Variants in CCNB2 observed in about 807,000 individuals in gnomAD.
The protein encoded by CCNB2 is cyclin B2, also known as G2/mitotic-specific cyclin-B2.
A neutral mutation model predicts 51.1 loss-of-function variants in CCNB2; 39 were observed. The ratio of observed to expected loss-of-function variants is 0.76; its 90% CI spans 0.59 to 1.00. The LOEUF is 1.00. CCNB2 is among the 50% of genes least tolerant of loss of function. CCNB2 has a pLI of 0.00. For missense variants in CCNB2, 472 were observed against 470.3 expected, an observed-to-expected ratio of 1.00 and a Z score of -0.03; for synonymous variants, 174 against 165.5, an observed-to-expected ratio of 1.05 and a Z score of -0.40.
At chr15:59,120,205 A>G (rs536140306) in intron 7 of CCNB2, among the ~76,000 whole-genome samples, 94 of 152,190 alleles carry the variant, frequency 6.2e-4, no homozygotes, top group Non-Finnish European at 1.2e-3. Flanking sequence ...ACCATTATCT[A>G]CTGGCAACTA....
chr15:59,109,356 C>T (rs1357232832), intron 3 of CCNB2, among the ~76,000 whole-genome samples: 2 of 152,102 alleles, frequency 1.3e-5, no homozygotes, highest in Non-Finnish European at 2.9e-5. Context: ...ATTCTCCATA[C>T]CCAGTAGCTT....
At chr15:59,119,968 A>G (rs1181998421) in intron 7 of CCNB2, among the ~76,000 whole-genome samples, 1 of 152,132 alleles carries the variant, frequency 6.6e-6, no homozygotes, top group African/African-American at 2.4e-5. Context: ...TTGGCCTCCC[A>G]AAGTGCTGGG....
chr15:59,116,480 AAT>A (rs2079279169), intron 5 of CCNB2, among the ~76,000 whole-genome samples: 1 of 128,648 alleles, frequency 7.8e-6, no homozygotes, highest in Non-Finnish European at 1.7e-5. Flanking sequence ...TGGGTGAGAT[AAT>A]ATGTTAGAAT....
At chr15:59,117,494 G>C in intron 7 of CCNB2, 126 bp downstream of exon 7, 1 of 981,082 alleles carries the variant, frequency 1.0e-6, no homozygotes, top group Non-Finnish European at 1.5e-6. Flanking sequence ...TTTGAGACAG[G>C]GTCTCATTCT....
chr15:59,117,698 G>A (rs760033689), intron 7 of CCNB2, among the ~76,000 whole-genome samples: 1 of 152,082 alleles, frequency 6.6e-6, no homozygotes, highest in Non-Finnish European at 1.5e-5. Context: ...CCTTGAACTC[G>A]GCTCAAGCAG....
At chr15:59,117,098 T>C in intron 6 of CCNB2, 130 bp from the exon 7 acceptor site, 1 of 1,035,490 alleles carries the variant, frequency 9.7e-7, no homozygotes, top group Non-Finnish European at 1.4e-6. Flanking sequence ...TACAACATAG[T>C]GTGGAATAGA....
intron 5 of CCNB2, among the ~76,000 whole-genome samples, 184 bp from the exon 6 acceptor site, chr15:59,116,506 C>G (rs1240373576): frequency 1.1e-5 from 1 of 94,004 alleles, no homozygotes; most frequent in Non-Finnish European, 2.3e-5. Context: ...AGCACTGTGC[C>G]TAGCACACAG....
intron 1 of CCNB2, 44 bp downstream of exon 1, chr15:59,105,336 C>G: frequency 6.5e-7 from 1 of 1,536,418 alleles, no homozygotes; most frequent in Middle Eastern, 1.7e-4. Flanking sequence ...GTCCGTCGGC[C>G]CCACAGCTCC....
At chr15:59,117,051 A>C (rs2079282211) in intron 6 of CCNB2, 125 bp downstream of exon 6, 6 of 976,420 alleles carry the variant, frequency 6.1e-6, no homozygotes, top group Non-Finnish European at 9.3e-6. Flanking sequence ...TGCTTTCCTC[A>C]TCAGTTCTTA....
chr15:59,113,433 G>A (rs1216750010), intron 3 of CCNB2, among the ~76,000 whole-genome samples: 3 of 152,128 alleles, frequency 2.0e-5, no homozygotes, highest in African/African-American at 7.2e-5. Flanking sequence ...GCCTTAGTGG[G>A]CAAAACCAAT....
At chr15:59,112,349 G>C (rs540743272) in intron 3 of CCNB2, among the ~76,000 whole-genome samples, 2 of 136,900 alleles carry the variant, frequency 1.5e-5, no homozygotes, top group African/African-American at 2.6e-5. Context: ...AATTAAAATT[G>C]TCTTTTTTTT....
chr15:59,107,516 G>A (rs767663609), intron 2 of CCNB2, 41 bp from the exon 3 acceptor site: 1 of 1,613,054 alleles, frequency 6.2e-7, no homozygotes, highest in Admixed American at 1.7e-5. Context: ...GTCCCACAAC[G>A]CTGGCTGTCT....
rs1257014132 is a variant in CCNB2 at position 59,105,193 on chromosome 15, C to G, written c.-76C>G. The G allele has an allele frequency of 2.8e-6, 4 of 1,415,420 alleles. No homozygotes were observed. The African/African-American group carries it at 4.3e-5, about 15-fold the overall frequency. 87.7% of individuals were successfully genotyped at this position (1,415,420 alleles called of 1,614,324 possible). ...TCGGAGAGCAGTCCTAACGGCGCCT[C>G]GTACGCTAGTGTCCTCCCTTTTCAG... On this transcript the variant is annotated 5_prime_UTR_variant, in exon 1 of 9. Coordinates refer to ENST00000288207, the MANE Select transcript of CCNB2 (RefSeq NM_004701.4).
chr15:59,121,206 C>G (rs1483946797), intron 7 of CCNB2: 1 of 152,100 alleles, frequency 6.6e-6, no homozygotes, highest in Non-Finnish European at 1.5e-5. Context: ...TGAGTATACA[C>G]AGAGAGGGAG....
chr15:59,113,317 C>CTAAA (rs1246284748), intron 3 of CCNB2, among the ~76,000 whole-genome samples: 1 of 152,178 alleles, frequency 6.6e-6, no homozygotes, highest in Non-Finnish European at 1.5e-5. Context: ...GAGGCTGCTA[C>CTAAA]TAAAGTAGAA....
chr15:59,105,405 T>C lies in CCNB2; in HGVS notation c.24+113T>C, dbSNP rs1305014943. The C allele has an allele frequency of 7.4e-6, 9 of 1,209,356 alleles. No individual in the cohort carries two copies. In the East Asian group the frequency reaches 2.4e-4, roughly 32 times the overall value. The allele number at this position is 1,209,356 out of a possible 1,614,324, so 74.9% of individuals were successfully genotyped here. Reference sequence around the variant, plus strand: ...CGTCCCAACCGGGGCTGCTTTTCTCTTCTCCGGAGCTCACTGCTTCGCCCG... The same window carrying C: ...CGTCCCAACCGGGGCTGCTTTTCTCCTCTCCGGAGCTCACTGCTTCGCCCG... On this transcript the variant is annotated intron_variant, in intron 1 of 8. Transcript: ENST00000288207.
Position 59,114,776 on chromosome 15 carries a change from G to A in CCNB2, c.497G>A (p.Arg166His), listed in dbSNP as rs772960032. 6.2e-6 allele frequency: 10 copies of A among 1,614,094 alleles called. No homozygotes were observed. Among genetic ancestry groups the A allele is most frequent in the African/African-American group, 2.7e-5 (2 of 75,038 alleles). Residue 166 changes from arginine (R) to histidine (H), a missense_variant, in exon 5 of 9, where the codon CGT (arginine) becomes CAT (histidine). Arg to His is a conservative substitution (Grantham distance 29). Transcript: ENST00000288207. ...GGAAGAGATATAAATGGACGCATGC[G>A]TGCCATCCTAGTGGATTGGCTGGTA... Reference protein sequence around the residue: ...LDGRDINGRMRAILVDWLVQV... With the variant: ...LDGRDINGRMHAILVDWLVQV...
intron 7 of CCNB2, among the ~76,000 whole-genome samples, chr15:59,117,814 G>A (rs1228564566): frequency 6.6e-6 from 1 of 152,148 alleles, no homozygotes; most frequent in Non-Finnish European, 1.5e-5. Flanking sequence ...AAACTACTTG[G>A]AGAGGGGCAT....
intron 3 of CCNB2, among the ~76,000 whole-genome samples, chr15:59,111,021 C>G (rs1229851480): frequency 6.6e-6 from 1 of 152,168 alleles, no homozygotes; most frequent in East Asian, 1.9e-4. Flanking sequence ...AAGAGAGATG[C>G]ATGCTTATGA....
Sources: allele counts gnomAD v4.1 joint callset (sites outside exome capture counted in the v4.1 genomes callset), GRCh38; gene constraint gnomAD v4.1.1; transcripts MANE v1.5; gene names NCBI Gene and HGNC (gene_info 2026-07-23, HGNC 2026-07-21).